Variants in CACNA2D4 observed in about 807,000 individuals in gnomAD.
CACNA2D4 encodes the protein voltage-dependent calcium channel subunit alpha-2/delta-4.
In CACNA2D4, 157 loss-of-function variants were observed where a neutral mutation model predicts 163.8. The observed-to-expected ratio is 0.96, with a 90% CI of 0.84 to 1.09. The LOEUF (loss-of-function observed/expected upper bound fraction) is 1.09. CACNA2D4 is among the 50% of genes least tolerant of loss of function. The probability of loss-of-function intolerance (pLI) is 0.00; values close to 1 mark genes in which losing one functional copy is unlikely to be tolerated. For missense variants in CACNA2D4, 1,410 were observed against 1,479.9 expected, an observed-to-expected ratio of 0.95 and a Z score of 0.78; for synonymous variants, 598 against 586.9, an observed-to-expected ratio of 1.02 and a Z score of -0.27.
intron 4 of CACNA2D4, among the ~76,000 whole-genome samples, chr12:1,909,438 C>T (rs1297582377): frequency 6.6e-6 from 1 of 152,244 alleles, no homozygotes; most frequent in Non-Finnish European, 1.5e-5. Context: ...TTGTGATCCA[C>T]CCGCCTCAGC....
chr12:1,797,473 A>T lies in CACNA2D4; in HGVS notation c.3058T>A (p.Tyr1020Asn), dbSNP rs1177747926. ...TTGGCCTCCCGGATGGCCGGCTGGT[A>T]CACGAACACGGGGTACTCCGTGTCG... ...PCDTEYPVFV[Y>N]QPAIREANGI... The change falls in exon 35 of 38, where the codon TAC (tyrosine) becomes AAC (asparagine). Residue 1020 changes from tyrosine to asparagine, a missense_variant. Tyr to Asn is a moderately radical substitution (Grantham distance 143, BLOSUM62 -2). Transcript: ENST00000382722. 1 of 1,586,458 alleles carries T rather than the reference A, an allele frequency of 6.3e-7. No individual in the cohort carries two copies. The highest frequency in any genetic ancestry group is 1.1e-5 in the South Asian group (1 of 87,644).
chr12:1,802,519 C>G lies in CACNA2D4; in HGVS notation c.2722-875G>C, dbSNP rs1444454854. 6.6e-6 allele frequency among the ~76,000 whole-genome samples: 1 copy of G among 152,256 alleles called. No individual in the cohort carries two copies. Among genetic ancestry groups the G allele is most frequent in the Non-Finnish European group, 1.5e-5 (1 of 68,042 alleles). On this transcript the variant is annotated intron_variant, in intron 29 of 37. Coordinates refer to ENST00000382722, the MANE Select transcript of CACNA2D4 (RefSeq NM_172364.5). The surrounding 1 kb of genome is among the most constrained non-coding windows in gnomAD (Gnocchi z 4.7). ...TCAGGCCCTCCACTCTGCCACCTCT[C>G]ATGGCCTCTGTACCTGCCTTGGCCT...
chr12:1,841,941 G>A (rs1186567092), intron 25 of CACNA2D4, among the ~76,000 whole-genome samples: 1 of 152,194 alleles, frequency 6.6e-6, no homozygotes, highest in Non-Finnish European at 1.5e-5. Flanking sequence ...CCATGATGAC[G>A]AAGGGACAAT....
chr12:1,896,650 C>CAA (rs1330603814), intron 6 of CACNA2D4, among the ~76,000 whole-genome samples: 1,179 of 116,194 alleles, frequency 0.01, 24 homozygotes, highest in African/African-American at 0.033. Context: ...CACACACACA[C>CAA]ACACAAAACA....
Position 1,793,653 on chromosome 12 carries a change from T to G in CACNA2D4, c.*2A>C, listed in dbSNP as rs1197705994. Reference sequence around the variant, plus strand: ...CCAAAACACAGGTCAGGCTGGGTGGTGTCACCGCAGGAGTTGGGGCAGTAG... The same window carrying G: ...CCAAAACACAGGTCAGGCTGGGTGGGGTCACCGCAGGAGTTGGGGCAGTAG... On this transcript the variant is annotated 3_prime_UTR_variant, in exon 38 of 38. Coordinates refer to ENST00000382722, the MANE Select transcript of CACNA2D4 (RefSeq NM_172364.5). The G allele has an allele frequency of 1.2e-6, 2 of 1,613,038 alleles. No homozygotes were observed. Among genetic ancestry groups the G allele is most frequent in the Admixed American group, 1.7e-5 (1 of 59,990 alleles).
At chr12:1,838,265 G>A (rs547285253) in intron 26 of CACNA2D4, among the ~76,000 whole-genome samples, 26 of 152,140 alleles carry the variant, frequency 1.7e-4, no homozygotes, top group Middle Eastern at 3.2e-3. Context: ...CGCGCAGCCC[G>A]CCACTGCCCC....
In CACNA2D4 at chr12:1,908,029, A is replaced by G. The variant is rs1431821084; in HGVS notation, c.495T>C (p.Tyr165=). ...TCTCGTTGATCAGGACCGAGTTGTA[A>G]TAGTCGAACTGGGGTGGACGGGTGA... ...HEFNESLVFD[Y]YNSVLINERD... is the part of the protein sequence containing the mutation. Residue 165 remains tyrosine, a synonymous_variant, in exon 5 of 38, where the codon TAT becomes TAC. Coordinates refer to ENST00000382722, the MANE Select transcript of CACNA2D4 (RefSeq NM_172364.5). The G allele has an allele frequency of 1.9e-6, 3 of 1,612,386 alleles. No individual in the cohort carries two copies. Among genetic ancestry groups the G allele is most frequent in the South Asian group, 1.1e-5 (1 of 90,958 alleles).
chr12:1,907,972 G>T lies in CACNA2D4; in HGVS notation c.552C>A (p.Gly184=), dbSNP rs1405094324. Residue 184 remains glycine, a synonymous_variant, in exon 5 of 38, where the codon GGC becomes GGA. Coordinates refer to ENST00000382722, the MANE Select transcript of CACNA2D4 (RefSeq NM_172364.5). ...RDEKGNFVEL[G]AEFLLESNAH... ...CATTGGACTCCAGGAGGAACTCGGC[G>T]CCCAGCTCCACGAAGTTGCCCTTCT... 10 of 1,613,894 alleles carry T rather than the reference G, an allele frequency of 6.2e-6. No homozygotes were observed. Among genetic ancestry groups the T allele is most frequent in the Non-Finnish European group, 8.5e-6 (10 of 1,179,866 alleles).
intron 18 of CACNA2D4, among the ~76,000 whole-genome samples, chr12:1,871,283 A>G (rs542736320): frequency 7.2e-6 from 1 of 138,560 alleles, no homozygotes; most frequent in East Asian, 2.1e-4. Flanking sequence ...GTGTGTGTAC[A>G]CCTGTATGTT....
Position 1,874,647 on chromosome 12 carries a change from G to A in CACNA2D4, c.1835C>T (p.Thr612Ile), listed in dbSNP as rs757872180. The A allele has an allele frequency of 7.4e-6, 12 of 1,613,114 alleles. No homozygotes were observed. The Admixed American group carries it at 1.2e-4, about 16-fold the overall frequency. ...SLRTAMINRE[T>I]GTLSMDVKVP... ...CTTCACATCCATCGAGAGAGTACCT[G>A]TTTCCCTATTGATCATGGCTGTTCT... Residue 612 changes from threonine (T) to isoleucine (I), a missense_variant, in exon 18 of 38, where the codon ACA (threonine) becomes ATA (isoleucine). Coordinates refer to ENST00000382722, the MANE Select transcript of CACNA2D4 (RefSeq NM_172364.5). This position sits in a 1 kb window ranked among gnomAD's most constrained non-coding sequence, Gnocchi z 4.4.
intron 6 of CACNA2D4, among the ~76,000 whole-genome samples, chr12:1,896,788 C>T (rs146095318): frequency 1.1e-3 from 165 of 152,266 alleles, no homozygotes; most frequent in Non-Finnish European, 2.0e-3. Flanking sequence ...CCATATGATG[C>T]CACTACCTAG....
Position 1,844,132 on chromosome 12 carries a change from A to G in CACNA2D4, c.2470+270T>C, listed in dbSNP as rs1351245702. ...TATTTGGAATTGGGGCTAGAATCCC[A>G]TGCTGGGTTTTTAAACTCCAACTTT... On this transcript the variant is annotated intron_variant, in intron 25 of 37. Transcript: ENST00000382722. This position sits in a 1 kb window ranked among gnomAD's most constrained non-coding sequence, Gnocchi z 4.2. 1.3e-5 allele frequency among the ~76,000 whole-genome samples: 2 copies of G among 152,206 alleles called. No individual in the cohort carries two copies. The highest frequency in any genetic ancestry group is 4.8e-5 in the African/African-American group (2 of 41,450).
intron 6 of CACNA2D4, among the ~76,000 whole-genome samples, chr12:1,894,445 C>T (rs1408214921): frequency 6.6e-6 from 1 of 152,116 alleles, no homozygotes; most frequent in East Asian, 1.9e-4. Context: ...CAAAAGAAAA[C>T]TACAGGCCAG....
At chr12:1,900,436 A>G (rs1158388462) in intron 6 of CACNA2D4, among the ~76,000 whole-genome samples, 7 of 152,230 alleles carry the variant, frequency 4.6e-5, no homozygotes, top group African/African-American at 1.4e-4. Flanking sequence ...CACCTGACCA[A>G]CAAAAAACTT....
At chr12:1,870,147 T>G (rs1865740051) in intron 18 of CACNA2D4, among the ~76,000 whole-genome samples, 6 of 152,136 alleles carry the variant, frequency 3.9e-5, no homozygotes. Context: ...TCCTGAGGTG[T>G]TTACCAAGCC....
rs1866242908 is a variant in CACNA2D4, at chr12:1,890,114, G to A, written c.782-3045C>T. Among the ~76,000 whole-genome samples, 5 of 152,252 alleles carry A rather than the reference G, an allele frequency of 3.3e-5. 1 individual carries two copies. Among genetic ancestry groups the A allele is most frequent in the Admixed American group, 3.3e-4 (5 of 15,292 alleles). Reference sequence around the variant, plus strand: ...CCCAGCAGTCCACATTCCCACCATGGATTCCTGCAATCCTAGCCGCAGGAG... The same window carrying A: ...CCCAGCAGTCCACATTCCCACCATGAATTCCTGCAATCCTAGCCGCAGGAG... On this transcript the variant is annotated intron_variant, in intron 6 of 37. Transcript: ENST00000382722.
chr12:1,879,765 C>T (rs984299945), intron 14 of CACNA2D4, 39 bp downstream of exon 14: 1 of 1,512,724 alleles, frequency 6.6e-7, no homozygotes, highest in African/African-American at 1.4e-5. Flanking sequence ...GCCCCAGGTT[C>T]TAATCCCTGC....
chr12:1,828,257 G>A lies in CACNA2D4; in HGVS notation c.2551+12482C>T, dbSNP rs752034774. On this transcript the variant is annotated intron_variant, in intron 26 of 37. Coordinates refer to ENST00000382722, the MANE Select transcript of CACNA2D4 (RefSeq NM_172364.5). The surrounding 1 kb of genome is among the most constrained non-coding windows in gnomAD (Gnocchi z 4.2). ...CCTCGGAGGGGGGTGCGGGTTGGGT[G>A]GGGGTGCCGAGGTGACTGTAGGTAG... The A allele has an allele frequency of 2.1e-5, 31 of 1,504,242 alleles. 1 individual carries two copies. The highest frequency in any genetic ancestry group is 6.3e-5 in the South Asian group (5 of 79,190). The allele number at this position is 1,504,242 out of a possible 1,614,324, so 93.2% of individuals were successfully genotyped here. A position where few individuals can be genotyped will look rare whatever the true frequency, so the allele number is the denominator to read the frequency against.
intron 32 of CACNA2D4, 73 bp downstream of exon 32, chr12:1,800,313 C>G: frequency 6.6e-7 from 1 of 1,515,868 alleles, no homozygotes; most frequent in Non-Finnish European, 9.2e-7. Flanking sequence ...CTTGCAGCCT[C>G]CTGCTCAAGG....
Sources: allele counts gnomAD v4.1 joint callset (sites outside exome capture counted in the v4.1 genomes callset), GRCh38; gene constraint gnomAD v4.1.1; non-coding constraint Gnocchi (gnomAD v3.1); transcripts MANE v1.5; gene names NCBI Gene and HGNC (gene_info 2026-07-23, HGNC 2026-07-21).